The following WWOX variants were observed in gnomAD, a reference collection of about 807,000 sequenced individuals.
WWOX encodes WW domain-containing oxidoreductase.
A neutral mutation model predicts 46.2 loss-of-function variants in WWOX; 69 were observed. The ratio of observed to expected loss-of-function variants is 1.49; its 90% CI spans 1.23 to 1.82. WWOX has a LOEUF of 1.82. Among genes scored for constraint, WWOX ranks in the 40% most tolerant of loss-of-function variants. WWOX has a pLI of 0.00. For missense variants in WWOX, 919 were observed against 542.6 expected (o/e 1.69, Z -6.89); for synonymous variants, 359 against 202.6 (o/e 1.77, Z -6.56).
intron 8 of WWOX, among the ~76,000 whole-genome samples, chr16:78,965,165 G>A (rs2046341608): frequency 6.6e-6 from 1 of 152,150 alleles, no homozygotes; most frequent in South Asian, 2.1e-4. Context: ...GTGAGAAGAG[G>A]GAAAGTGAAC....
At chr16:78,681,353 A>G (rs1315852361) in intron 8 of WWOX, among the ~76,000 whole-genome samples, 2 of 152,180 alleles carry the variant, frequency 1.3e-5, no homozygotes, top group Non-Finnish European at 2.9e-5. Context: ...GCAGTGAGCT[A>G]TGATCTTGCC....
intron 8 of WWOX, chr16:78,896,014 C>T (rs1567633226): frequency 6.6e-6 from 1 of 152,098 alleles, no homozygotes; most frequent in Non-Finnish European, 1.5e-5. Flanking sequence ...GAACAGTTCT[C>T]AAACTTTGTT....
intron 4 of WWOX, among the ~76,000 whole-genome samples, chr16:78,160,970 A>G (rs991458343): frequency 6.6e-6 from 1 of 152,140 alleles, no homozygotes; most frequent in African/African-American, 2.4e-5. Context: ...TTAAGTACAT[A>G]TAAATTTAGA....
At chr16:78,914,195 A>G (rs1419391585) in intron 8 of WWOX, among the ~76,000 whole-genome samples, 1 of 152,016 alleles carries the variant, frequency 6.6e-6, no homozygotes, top group Non-Finnish European at 1.5e-5. Flanking sequence ...TTCTCTGTCT[A>G]GCACTTATCA....
intron 5 of WWOX, among the ~76,000 whole-genome samples, chr16:78,203,268 G>A (rs531836978): frequency 1.5e-4 from 23 of 152,266 alleles, no homozygotes; most frequent in African/African-American, 4.8e-4. Flanking sequence ...TCCTGCAATG[G>A]TTTGGGGGGC....
At chr16:78,716,627 G>A (rs918011862) in intron 8 of WWOX, among the ~76,000 whole-genome samples, 2 of 151,902 alleles carry the variant, frequency 1.3e-5, no homozygotes, top group African/African-American at 2.4e-5. Context: ...ATCTCTATAG[G>A]TTCTGTGATA....
chr16:78,961,788 A>G (rs551276205), intron 8 of WWOX, among the ~76,000 whole-genome samples: 52 of 152,274 alleles, frequency 3.4e-4, no homozygotes, highest in Non-Finnish European at 5.3e-4. Flanking sequence ...ACCTCAGGTT[A>G]TCATAGTAGT....
intron 8 of WWOX, among the ~76,000 whole-genome samples, chr16:78,799,790 G>T (rs984600156): frequency 2.0e-5 from 3 of 152,182 alleles, no homozygotes; most frequent in Non-Finnish European, 4.4e-5. Flanking sequence ...AATTTATTTA[G>T]ATATCTTTGG....
intron 8 of WWOX, among the ~76,000 whole-genome samples, chr16:78,671,649 A>G (rs2047467489): frequency 6.6e-6 from 1 of 152,148 alleles, no homozygotes; most frequent in Non-Finnish European, 1.5e-5. Context: ...AGGTGATTTT[A>G]AGGCACAAAT....
chr16:78,613,173 T>A (rs2045940040), intron 8 of WWOX, among the ~76,000 whole-genome samples: 1 of 152,182 alleles, frequency 6.6e-6, no homozygotes, highest in African/African-American at 2.4e-5. Flanking sequence ...CCATGCCTTT[T>A]GATGCTGGTG....
chr16:78,120,558 C>G (rs1381252855), intron 4 of WWOX, among the ~76,000 whole-genome samples: 1 of 141,736 alleles, frequency 7.1e-6, no homozygotes, highest in Non-Finnish European at 1.5e-5. Context: ...GCCTGGGCGA[C>G]AGAGCGAGAC....
intron 8 of WWOX, among the ~76,000 whole-genome samples, chr16:79,020,969 G>C (rs138616054): frequency 9.7e-4 from 148 of 152,196 alleles, no homozygotes; most frequent in African/African-American, 3.2e-3. Flanking sequence ...ATCAAATTGT[G>C]GGTAGCTAAA....
In WWOX at chr16:78,718,365, C is replaced by T. The variant is rs545542789; in HGVS notation, c.1056+285613C>T. ...AAAAAATTTAAAAAAACGACTAGCT[C>T]AGAAGTTATCATTGTGTTTTTATAG... On this transcript the variant is annotated intron_variant, in intron 8 of 8. Coordinates refer to ENST00000566780, the MANE Select transcript of WWOX (RefSeq NM_016373.4). 2.6e-5 allele frequency among the ~76,000 whole-genome samples: 4 copies of T among 152,014 alleles called. No individual in the cohort carries two copies. The South Asian group carries it at 8.3e-4, about 32-fold the overall frequency.
At chr16:78,646,901 T>A (rs894081834) in intron 8 of WWOX, among the ~76,000 whole-genome samples, 1 of 152,118 alleles carries the variant, frequency 6.6e-6, no homozygotes. Context: ...GTAAGAGAAG[T>A]CTCACCCAAC....
chr16:78,182,038 G>A (rs1567616335), intron 5 of WWOX, among the ~76,000 whole-genome samples: 3 of 152,200 alleles, frequency 2.0e-5, no homozygotes, highest in Admixed American at 6.5e-5. Context: ...GGATTGAGCT[G>A]TAAAATGTGT....
chr16:78,391,203 C>T (rs2082168425), intron 6 of WWOX, among the ~76,000 whole-genome samples: 1 of 152,188 alleles, frequency 6.6e-6, no homozygotes, highest in Non-Finnish European at 1.5e-5. Context: ...GGTGAGGCTG[C>T]AAAGGAGGCT....
At chr16:79,014,065 G>C (rs2047365518) in intron 8 of WWOX, among the ~76,000 whole-genome samples, 1 of 152,206 alleles carries the variant, frequency 6.6e-6, no homozygotes, top group African/African-American at 2.4e-5. Context: ...AGCCGCTGGG[G>C]AACTGAGCAA....
chr16:78,864,711 T>C (rs1201716938), intron 8 of WWOX, among the ~76,000 whole-genome samples: 1 of 149,758 alleles, frequency 6.7e-6, no homozygotes, highest in Admixed American at 6.7e-5. Context: ...AATGGATCTT[T>C]GGTAATTAAA....
At chr16:78,265,334 C>A (rs551764537) in intron 5 of WWOX, among the ~76,000 whole-genome samples, 1 of 152,166 alleles carries the variant, frequency 6.6e-6, no homozygotes, top group East Asian at 1.9e-4. Flanking sequence ...GTTATAGCAG[C>A]CTGGATGGAC....
Sources: gnomAD v4.1 joint callset for allele counts (sites outside exome capture counted in the v4.1 genomes callset) on GRCh38, gnomAD v4.1.1 for gene constraint, MANE v1.5 for transcripts, NCBI Gene and HGNC (gene_info 2026-07-23, HGNC 2026-07-21) for gene names.